ZNF571: variants seen among roughly 807,000 people sequenced by gnomAD.
The protein encoded by ZNF571 is zinc finger protein 571.
ZNF571 carries 4 observed loss-of-function variants against 7.7 expected under a neutral mutation model. The ratio of observed to expected loss-of-function variants is 0.52; its 90% CI spans 0.25 to 1.18. The LOEUF (loss-of-function observed/expected upper bound fraction) is 1.18, where lower values mean the gene tolerates loss of function less well. Ranked by LOEUF, ZNF571 falls within the 50% of genes most tolerant of loss-of-function variation. The pLI, the probability that ZNF571 is intolerant of heterozygous loss-of-function variation, is 0.14. For missense variants in ZNF571, 704 were observed against 726.9 expected (o/e 0.97, Z 0.36); for synonymous variants, 251 against 232.4 (o/e 1.08, Z -0.73).
intron 3 of ZNF571, among the ~76,000 whole-genome samples, chr19:37,568,572 T>C (rs1257156548): frequency 6.6e-6 from 1 of 152,128 alleles, no homozygotes; most frequent in African/African-American, 2.4e-5. Flanking sequence ...AATATTAATC[T>C]AATATGATTC....
chr19:37,579,369 AC>A (rs1424222110), intron 3 of ZNF571, among the ~76,000 whole-genome samples: 1 of 152,180 alleles, frequency 6.6e-6, no homozygotes, highest in East Asian at 1.9e-4. Flanking sequence ...CTGAGGTCAG[AC>A]CAACCCAACC....
intron 3 of ZNF571, among the ~76,000 whole-genome samples, chr19:37,574,795 T>C (rs79231790): frequency 0.014 from 2,080 of 152,314 alleles, 39 homozygotes; most frequent in African/African-American, 0.046. Flanking sequence ...TATCTCACTT[T>C]TACTGGCTAT....
chr19:37,568,586 G>T (rs1374072925), intron 3 of ZNF571, among the ~76,000 whole-genome samples: 2 of 151,994 alleles, frequency 1.3e-5, no homozygotes, highest in Non-Finnish European at 1.5e-5. Context: ...ATGATTCTGG[G>T]GTAGGAGGCA....
chr19:37,572,858 C>A (rs2043111978), intron 3 of ZNF571, among the ~76,000 whole-genome samples: 1 of 152,172 alleles, frequency 6.6e-6, no homozygotes, highest in African/African-American at 2.4e-5. Flanking sequence ...TGCCACCAGC[C>A]TATTTCCAAC....
chr19:37,583,966 C>T lies in ZNF571; in HGVS notation c.136+5G>A. On this transcript the variant is annotated splice_donor_5th_base_variant and intron_variant, in intron 3 of 3. Coordinates refer to ENST00000451802, the MANE Select transcript of ZNF571 (RefSeq NM_016536.5). ...AATTCTGAATATTACGTAGGATGATCTTACCCAATGAGATCAGGTTGCTGT... is the reference window on the plus strand; with the variant it reads ...AATTCTGAATATTACGTAGGATGATTTTACCCAATGAGATCAGGTTGCTGT... 1 of 1,599,202 alleles carries T rather than the reference C, an allele frequency of 6.3e-7. No individual in the cohort carries two copies.
intron 1 of ZNF571, among the ~76,000 whole-genome samples, chr19:37,589,135 G>A (rs2043784967): frequency 6.6e-6 from 1 of 150,780 alleles, no homozygotes; most frequent in South Asian, 2.1e-4. Context: ...AGTAGGCGGA[G>A]GTTGCAGTGA....
Position 37,586,673 on chromosome 19 carries a change from G to T in ZNF571, c.4C>A (p.Pro2Thr), listed in dbSNP as rs753184061. 6.2e-7 allele frequency: 1 copy of T among 1,614,098 alleles called. No homozygotes were observed. Among genetic ancestry groups the T allele is most frequent in the Admixed American group, 1.7e-5 (1 of 60,008 alleles). The change falls in exon 2 of 4, where the codon CCC becomes ACC. Residue 2 changes from proline to threonine, a missense_variant. Physicochemically the swap from Pro to Thr is conservative, Grantham distance 38. Coordinates refer to ENST00000451802, the MANE Select transcript of ZNF571 (RefSeq NM_016536.5). M[P>T]HLLVTFRDVA... ...GGAAAGAAACAGCAACTCACGTGGG[G>T]CATGGTTTTTTAGAACTGATCAATT...
chr19:37,566,996 T>C lies in ZNF571; in HGVS notation c.137-705A>G, dbSNP rs184167489. Among the ~76,000 whole-genome samples the C allele has an allele frequency of 3.2e-3, 484 of 152,284 alleles. 5 individuals are homozygous for C. Among genetic ancestry groups the C allele is most frequent in the African/African-American group, 0.011 (445 of 41,568 alleles). Reference sequence around the variant, plus strand: ...ACTCCCCTAATTATTCATTTGGCTGTGGTCATAATGGCCTCCTTGGTGTTA... The same window carrying C: ...ACTCCCCTAATTATTCATTTGGCTGCGGTCATAATGGCCTCCTTGGTGTTA... On this transcript the variant is annotated intron_variant, in intron 3 of 3. Coordinates refer to ENST00000451802, the MANE Select transcript of ZNF571 (RefSeq NM_016536.5).
At position 37,573,762 on chromosome 19, in the gene ZNF571, G is replaced by T. The variant is rs143014876; in HGVS notation, c.137-7471C>A. On this transcript the variant is annotated intron_variant, in intron 3 of 3. Transcript: ENST00000451802. The stretch of plus-strand genomic sequence containing the variant: ...AGGTGGGAGGATCACTTCAGCCCGA[G>T]TGTGAGGCTGCAGTGAGCCGTGACT... Among the ~76,000 whole-genome samples, 39 of 150,954 alleles carry T rather than the reference G, an allele frequency of 2.6e-4. No homozygotes were observed. In the East Asian group the frequency reaches 6.8e-3, roughly 26 times the overall value.
At chr19:37,570,169 T>C (rs566398835) in intron 3 of ZNF571, among the ~76,000 whole-genome samples, 3 of 152,216 alleles carry the variant, frequency 2.0e-5, no homozygotes, top group Non-Finnish European at 4.4e-5. Flanking sequence ...CTCTGGGTTA[T>C]CTCAATTACC....
chr19:37,573,600 G>A (rs897728432), intron 3 of ZNF571, among the ~76,000 whole-genome samples: 7 of 151,220 alleles, frequency 4.6e-5, no homozygotes, highest in Non-Finnish European at 8.8e-5. Context: ...GCTGAGTCAG[G>A]AGGATCGCTT....
chr19:37,575,850 C>A (rs1351892587), intron 3 of ZNF571: 1 of 152,158 alleles, frequency 6.6e-6, no homozygotes, highest in African/African-American at 2.4e-5. Flanking sequence ...ACACTGAAAC[C>A]ATAAAGTGTT....
rs188097291 is a variant in ZNF571, at chr19:37,590,331, G to A, written c.-69-3586C>T. On this transcript the variant is annotated intron_variant, in intron 1 of 3. Transcript: ENST00000451802. The stretch of plus-strand genomic sequence containing the variant: ...ACTTGGGAGGCTGAGGCAGGAGAAC[G>A]GCGTGAACCCAGGAGGCGGAGCTTG... Among the ~76,000 whole-genome samples, 9 of 151,886 alleles carry A rather than the reference G, an allele frequency of 5.9e-5. No individual in the cohort carries two copies. The East Asian group carries it at 1.4e-3, about 23-fold the overall frequency.
At position 37,592,796 on chromosome 19, in the gene ZNF571, GAC is replaced by G. The variant is rs1480313623; in HGVS notation, c.-70+1943_-70+1944del. Among the ~76,000 whole-genome samples, 6 of 152,276 alleles carry G rather than the reference GAC, an allele frequency of 3.9e-5. No individual in the cohort carries two copies. The East Asian group carries it at 1.2e-3, about 29-fold the overall frequency. ...TGAAGGAACGGAAAACAAATTATAA[GAC>G]AGTACAAAGAAGCAATTAGCTAAAA... On this transcript the variant is annotated intron_variant, in intron 1 of 3. Transcript: ENST00000451802.
In ZNF571 at chr19:37,582,552, A is replaced by G. The variant is rs573854104; in HGVS notation, c.136+1419T>C. Reference sequence around the variant, plus strand: ...AATCTCATTCAGTTCCTCGGTACAGAGAGTAATCCCATATTTATCTCTTCA... The same window carrying G: ...AATCTCATTCAGTTCCTCGGTACAGGGAGTAATCCCATATTTATCTCTTCA... On this transcript the variant is annotated intron_variant, in intron 3 of 3. Transcript: ENST00000451802. Among the ~76,000 whole-genome samples, 12 of 152,274 alleles carry G rather than the reference A, an allele frequency of 7.9e-5. No individual in the cohort carries two copies. In the East Asian group the frequency reaches 1.7e-3, roughly 22 times the overall value.
intron 3 of ZNF571, chr19:37,583,736 TC>T (rs1374868406): frequency 4.6e-5 from 19 of 415,936 alleles, no homozygotes; most frequent in African/African-American, 3.8e-4. Flanking sequence ...GCTAGGGGAT[TC>T]CCAGATTCAA....
At chr19:37,586,350 C>T in intron 2 of ZNF571, 1 of 302,280 alleles carries the variant, frequency 3.3e-6, no homozygotes, top group Non-Finnish European at 6.0e-6. Context: ...ACACTCATCT[C>T]TACCTCACCA....
rs1413134621 is a variant in ZNF571, at chr19:37,565,025, A to G, written c.1403T>C (p.Ile468Thr). 4.3e-6 allele frequency: 7 copies of G among 1,613,206 alleles called. No homozygotes were observed. Among genetic ancestry groups the G allele is most frequent in the Non-Finnish European group, 5.9e-6 (7 of 1,179,686 alleles). ...RVAYLTQHEK[I>T]HGEKHYECKE... ...ACATTCATAATGTTTCTCACCATGA[A>G]TTTTCTCATGTTGAGTAAGATATGC... The change falls in exon 4 of 4, where the codon ATT (isoleucine) becomes ACT (threonine). Residue 468 changes from isoleucine to threonine, a missense_variant. By Grantham distance (89) the Ile-to-Thr change is moderately conservative. Transcript: ENST00000451802.
chr19:37,586,950 T>TA (rs1446327904), intron 1 of ZNF571: 6 of 444,010 alleles, frequency 1.4e-5, no homozygotes, highest in Non-Finnish European at 2.0e-5. Context: ...TAGGTGCTGT[T>TA]ACTTTCCCAT....
Sources: allele counts gnomAD v4.1 joint callset (sites outside exome capture counted in the v4.1 genomes callset), GRCh38; gene constraint gnomAD v4.1.1; transcripts MANE v1.5; gene names NCBI Gene and HGNC (gene_info 2026-07-23, HGNC 2026-07-21).